PTPRF: variants seen among roughly 807,000 people sequenced by gnomAD.
PTPRF encodes the protein protein tyrosine phosphatase receptor type F.
A neutral mutation model predicts 201.8 loss-of-function variants in PTPRF; 59 were observed. The observed-to-expected ratio is 0.29, with a 90% CI of 0.24 to 0.36. The LOEUF is 0.36. PTPRF is among the 10% of genes least tolerant of loss of function. PTPRF has a pLI of 1.00. For missense variants in PTPRF, 2,132 were observed against 2,690.5 expected, an observed-to-expected ratio of 0.79 and a Z score of 4.59; for synonymous variants, 1,088 against 1,089.7, an observed-to-expected ratio of 1.00 and a Z score of 0.03.
intron 7 of PTPRF, among the ~76,000 whole-genome samples, chr1:43,587,500 G>T (rs1285511173): frequency 6.6e-6 from 1 of 152,194 alleles, no homozygotes; most frequent in Non-Finnish European, 1.5e-5. Flanking sequence ...ACGTTGGACC[G>T]GGAGGTCTCT....
In PTPRF at chr1:43,605,410, C is replaced by G. The variant is rs1654841844; in HGVS notation, c.3356C>G (p.Ser1119Cys). The G allele has an allele frequency of 6.2e-7, 1 of 1,612,206 alleles. No homozygotes were observed. Among genetic ancestry groups the G allele is most frequent in the Non-Finnish European group, 8.5e-7 (1 of 1,178,532 alleles). ...ATAGAGGACGGCCGCTTCGATCTCT[C>G]CATGCCCCATGTGCAAGACCCCTCG... is the stretch of plus-strand genomic sequence containing the variant. Reference protein sequence around the residue: ...AYIEDGRFDLSMPHVQDPSLV... With the variant: ...AYIEDGRFDLCMPHVQDPSLV... Residue 1119 changes from serine (S) to cysteine (C), a missense_variant, in exon 18 of 34, where the codon TCC becomes TGC. This residue lies in a region of PTPRF where 818 missense variants were observed against 915.3 expected (regional missense o/e 0.89). Coordinates refer to ENST00000359947, the MANE Select transcript of PTPRF (RefSeq NM_002840.5).
intron 12 of PTPRF, 171 bp downstream of exon 12, chr1:43,598,224 A>G: frequency 1.5e-6 from 1 of 664,722 alleles, no homozygotes. Context: ...TGAGGCCCAA[A>G]TCCCAGCCTT....
intron 6 of PTPRF, among the ~76,000 whole-genome samples, chr1:43,576,515 C>T (rs921951116): frequency 6.6e-6 from 1 of 152,204 alleles, no homozygotes; most frequent in Non-Finnish European, 1.5e-5. Flanking sequence ...ATCACCTGAC[C>T]TGTCAGCTCG....
In PTPRF at chr1:43,563,107, G is replaced by A. The variant is rs532468217; in HGVS notation, c.380-6483G>A. 4.0e-5 allele frequency among the ~76,000 whole-genome samples: 6 copies of A among 151,898 alleles called. No homozygotes were observed. In the East Asian group the frequency reaches 1.2e-3, roughly 30 times the overall value. On this transcript the variant is annotated intron_variant, in intron 5 of 33. Coordinates refer to ENST00000359947, the MANE Select transcript of PTPRF (RefSeq NM_002840.5). ...GCATAAGAATTGCTTGAACCCGGGA[G>A]GCAGAGGTTGCAGTGATATGAGATG...
intron 22 of PTPRF, 82 bp from the exon 23 acceptor site, chr1:43,613,536 C>A: frequency 9.0e-6 from 10 of 1,107,352 alleles, no homozygotes; most frequent in African/African-American, 1.5e-5. Context: ...TTCACATGTG[C>A]ACATACATGC....
intron 3 of PTPRF, among the ~76,000 whole-genome samples, chr1:43,552,099 G>A (rs1645072368): frequency 7.9e-6 from 1 of 126,198 alleles, no homozygotes; most frequent in Admixed American, 8.8e-5. Flanking sequence ...TTTCATATCT[G>A]TCTTCAAGAA....
chr1:43,544,949 G>A lies in PTPRF; in HGVS notation c.-45-82G>A, dbSNP rs1477636896. 5 of 796,676 alleles carry A rather than the reference G, an allele frequency of 6.3e-6. No homozygotes were observed. The African/African-American group carries it at 6.9e-5, about 11-fold the overall frequency. 49.4% of individuals were successfully genotyped at this position (796,676 alleles called of 1,614,324 possible). A position where few individuals can be genotyped will look rare whatever the true frequency, so the allele number is the denominator to read the frequency against. On this transcript the variant is annotated intron_variant, in intron 2 of 33. Coordinates refer to ENST00000359947, the MANE Select transcript of PTPRF (RefSeq NM_002840.5). ...CTCTGGATGGTCAGTGAGGATGACT[G>A]GGGGTCAGAAAGCGTCAGGGGTGGG...
intron 11 of PTPRF, among the ~76,000 whole-genome samples, chr1:43,596,656 A>G (rs567365437): frequency 6.6e-6 from 1 of 152,278 alleles, no homozygotes; most frequent in South Asian, 2.1e-4. Flanking sequence ...AGGCAGGCAC[A>G]GGTGAAGGCT....
chr1:43,544,791 T>A (rs1376723902), intron 2 of PTPRF, among the ~76,000 whole-genome samples: 3 of 152,054 alleles, frequency 2.0e-5, no homozygotes, highest in African/African-American at 7.2e-5. Flanking sequence ...CCTGCGCTCT[T>A]TCTCCCTCCA....
chr1:43,595,708 T>C (rs1652086139), intron 11 of PTPRF, among the ~76,000 whole-genome samples: 1 of 151,922 alleles, frequency 6.6e-6, no homozygotes. Context: ...TCCATTCTCA[T>C]GGGTGGAAAG....
intron 7 of PTPRF, 94 bp downstream of exon 7, chr1:43,579,014 G>C: frequency 8.7e-7 from 1 of 1,151,910 alleles, no homozygotes; most frequent in African/African-American, 1.5e-5. Context: ...AGACACGCAA[G>C]GGACTGCCAT....
In PTPRF at chr1:43,613,670, G is replaced by A. The variant is rs1485163447; in HGVS notation, c.4026G>A (p.Glu1342=). ...IPITDLADNI[E]RLKANDGLKF... ...TCACCGACCTGGCGGACAACATCGA[G>A]CGCCTCAAAGCCAACGATGGCCTCA... is the stretch of plus-strand genomic sequence containing the variant. The change falls in exon 23 of 34, where the codon GAG becomes GAA. Residue 1342 remains glutamate, a synonymous_variant. Coordinates refer to ENST00000359947, the MANE Select transcript of PTPRF (RefSeq NM_002840.5). 6.2e-7 allele frequency: 1 copy of A among 1,614,186 alleles called. No individual in the cohort carries two copies. The highest frequency in any genetic ancestry group is 1.1e-5 in the South Asian group (1 of 91,082).
upstream of PTPRF, among the ~76,000 whole-genome samples, chr1:43,523,267 C>T (rs1404960426): frequency 6.6e-6 from 1 of 152,082 alleles, no homozygotes; most frequent in Non-Finnish European, 1.5e-5. Flanking sequence ...GGCTGGGCTC[C>T]TCCCCATCAA....
At position 43,621,122 on chromosome 1, in the gene PTPRF, TTCA is replaced by T; in HGVS notation, c.5549_5551del (p.Ile1850del). 6.2e-7 allele frequency: 1 copy of T among 1,614,170 alleles called. No homozygotes were observed. The highest frequency in any genetic ancestry group is 8.5e-7 in the Non-Finnish European group (1 of 1,180,002). On this transcript the variant is annotated inframe_deletion, in exon 33 of 34. Transcript: ENST00000359947. The stretch of plus-strand genomic sequence containing the variant: ...TGCTGGCGTGGGCCGCACCGGGGTG[TTCA>T]TCACTCTGAGCATCGTCCTGGAGCG...
In PTPRF at chr1:43,546,220, G is replaced by A. The variant is rs1196600897; in HGVS notation, c.91+1054G>A. Among the ~76,000 whole-genome samples the A allele has an allele frequency of 6.6e-6, 1 of 152,204 alleles. No homozygotes were observed. The highest frequency in any genetic ancestry group is 2.4e-5 in the African/African-American group (1 of 41,452). ...ATTAATTATTCAGGAACTGATTCTGGAGTGGGGTGGGACTGGTGTGGTCCC... is the reference window on the plus strand; with the variant it reads ...ATTAATTATTCAGGAACTGATTCTGAAGTGGGGTGGGACTGGTGTGGTCCC... On this transcript the variant is annotated intron_variant, in intron 3 of 33. Coordinates refer to ENST00000359947, the MANE Select transcript of PTPRF (RefSeq NM_002840.5). The surrounding 1 kb of genome is among the most constrained non-coding windows in gnomAD (Gnocchi z 4.2).
intron 22 of PTPRF, among the ~76,000 whole-genome samples, chr1:43,612,083 A>G (rs1369797346): frequency 6.6e-6 from 1 of 152,220 alleles, no homozygotes; most frequent in African/African-American, 2.4e-5. Context: ...AGGAGCAGCC[A>G]CAGCCAGACG....
rs12031865 is a variant in PTPRF, at chr1:43,561,673, A to T, written c.379+7732A>T. 9.9e-5 allele frequency among the ~76,000 whole-genome samples: 15 copies of T among 152,210 alleles called. No individual in the cohort carries two copies. In the East Asian group the frequency reaches 2.9e-3, roughly 29 times the overall value. On this transcript the variant is annotated intron_variant, in intron 5 of 33. Transcript: ENST00000359947. ...TGTGACCTGTCCTTACACCCCCATG[A>T]CTGCAGTAGATTTCAGATCCACGCA...
intron 22 of PTPRF, 52 bp downstream of exon 22, chr1:43,609,550 T>G: frequency 1.4e-6 from 2 of 1,435,222 alleles, no homozygotes; most frequent in South Asian, 1.2e-5. Context: ...AGCAGGCCTG[T>G]GGGTCTGTTC....
intron 9 of PTPRF, 56 bp from the exon 10 acceptor site, chr1:43,591,756 G>C (rs1290087933): frequency 6.3e-7 from 1 of 1,599,334 alleles, no homozygotes; most frequent in African/African-American, 1.3e-5. Context: ...CCTCCTCCCT[G>C]GGCACCCCTG....
Sources: gnomAD v4.1 joint callset for allele counts (sites outside exome capture counted in the v4.1 genomes callset) on GRCh38, gnomAD v4.1.1 for gene constraint, gnomAD v4.1.1 regional missense constraint, Gnocchi (gnomAD v3.1) non-coding constraint, MANE v1.5 for transcripts, NCBI Gene and HGNC (gene_info 2026-07-23, HGNC 2026-07-21) for gene names.